KLRG1: variants seen among roughly 807,000 people sequenced by gnomAD.
KLRG1 encodes killer cell lectin like receptor G1.
In KLRG1, 16 loss-of-function variants were observed where a neutral mutation model predicts 21.8. The observed-to-expected ratio is 0.73, with a 90% CI of 0.50 to 1.11. The LOEUF (loss-of-function observed/expected upper bound fraction) is 1.11, where lower values mean the gene tolerates loss of function less well. Among genes scored for constraint, KLRG1 ranks in the 50% most tolerant of loss-of-function variants. The pLI, the probability that KLRG1 is intolerant of heterozygous loss-of-function variation, is 0.00. For synonymous variants in KLRG1, 69 were observed against 75.9 expected, an observed-to-expected ratio of 0.91 and a Z score of 0.47; for missense variants, 173 against 218.3, an observed-to-expected ratio of 0.79 and a Z score of 1.31.
At chr12:9,097,821 C>A in the KLRG1 span, among the ~76,000 whole-genome samples, 2 of 152,116 alleles carry the variant, frequency 1.3e-5, no homozygotes, top group Non-Finnish European at 2.9e-5. Context: ...TTAGTAGATA[C>A]GGGGTTTCAT....
the KLRG1 span, among the ~76,000 whole-genome samples, chr12:9,209,236 T>C: frequency 6.6e-6 from 1 of 152,164 alleles, no homozygotes; most frequent in African/African-American, 2.4e-5. Flanking sequence ...TTACATACTG[T>C]ATTGCTTGAA....
chr12:9,170,707 GC>G, the KLRG1 span, among the ~76,000 whole-genome samples: 2 of 152,202 alleles, frequency 1.3e-5, no homozygotes, highest in African/African-American at 4.8e-5. The surrounding 1 kb of genome is among the most constrained non-coding windows in gnomAD (Gnocchi z 4.6). Flanking sequence ...CCCCCACGAT[GC>G]AGCACAGCTG....
chr12:9,121,943 T>C, the KLRG1 span, among the ~76,000 whole-genome samples: 1 of 152,226 alleles, frequency 6.6e-6, no homozygotes, highest in Non-Finnish European at 1.5e-5. The surrounding 1 kb of genome is among the most constrained non-coding windows in gnomAD (Gnocchi z 4.4). Flanking sequence ...ACCAATCTGA[T>C]GGGGAGGGGA....
intron 2 of KLRG1, among the ~76,000 whole-genome samples, chr12:8,994,863 T>C (rs1249941958): frequency 6.6e-6 from 1 of 152,244 alleles, no homozygotes; most frequent in African/African-American, 2.4e-5. Flanking sequence ...GTATGCTTTC[T>C]TCTTTGTTCC....
Position 8,989,598 on chromosome 12 carries a change from T to G in KLRG1, c.-38T>G, listed in dbSNP as rs1946906204. 1.5e-6 allele frequency: 2 copies of G among 1,335,854 alleles called. No individual in the cohort carries two copies. The highest frequency in any genetic ancestry group is 1.8e-5 in the Admixed American group (1 of 56,760). 82.8% of individuals were successfully genotyped at this position (1,335,854 alleles called of 1,614,324 possible). On this transcript the variant is annotated 5_prime_UTR_variant, in exon 1 of 5. Coordinates refer to ENST00000356986, the MANE Select transcript of KLRG1 (RefSeq NM_005810.4). The stretch of plus-strand genomic sequence containing the variant: ...CATATCCCTTCACACTTCTATAATT[T>G]AACTCTCTCAACTGCATGTGAAAGA...
At chr12:9,203,265 T>TAA in the KLRG1 span, among the ~76,000 whole-genome samples, 2 of 151,470 alleles carry the variant, frequency 1.3e-5, no homozygotes, top group Non-Finnish European at 2.9e-5. Flanking sequence ...CTTACTCTGG[T>TAA]AAAAAATGCT....
At chr12:9,193,081 G>C in the KLRG1 span, among the ~76,000 whole-genome samples, 1 of 152,146 alleles carries the variant, frequency 6.6e-6, no homozygotes, top group African/African-American at 2.4e-5. Flanking sequence ...TCATGAATTG[G>C]CTTAATTAAA....
the KLRG1 span, among the ~76,000 whole-genome samples, chr12:9,051,462 A>G: frequency 9.9e-5 from 15 of 152,064 alleles, no homozygotes; most frequent in African/African-American, 3.4e-4. Context: ...GAGGCGAGCA[A>G]CCCTTTCCAG....
At chr12:9,176,591 T>C in the KLRG1 span, among the ~76,000 whole-genome samples, 7 of 152,362 alleles carry the variant, frequency 4.6e-5, no homozygotes, top group East Asian at 1.3e-3. Context: ...GTACTTTTTA[T>C]GGAAAATGGA....
the KLRG1 span, chr12:9,111,381 G>A: frequency 8.3e-6 from 3 of 363,482 alleles, no homozygotes; most frequent in South Asian, 2.2e-5. Flanking sequence ...AGTGATGGGT[G>A]TGGTGCCTCA....
At chr12:9,028,086 T>A in the KLRG1 span, 4 of 1,157,622 alleles carry the variant, frequency 3.5e-6, no homozygotes, top group South Asian at 4.9e-5. Flanking sequence ...AGTCATGATT[T>A]CAATCACTTC....
At chr12:9,099,287 C>T in the KLRG1 span, 1 of 1,231,074 alleles carries the variant, frequency 8.1e-7, no homozygotes, top group Non-Finnish European at 1.2e-6. Flanking sequence ...TTGTTTAACC[C>T]TTTTGGCCCT....
At chr12:9,211,724 A>G in the KLRG1 span, among the ~76,000 whole-genome samples, 334 of 152,300 alleles carry the variant, frequency 2.2e-3, 2 homozygotes, top group African/African-American at 7.7e-3. Flanking sequence ...ACCTTTTCCC[A>G]TCTTTATAGA....
chr12:9,088,721 C>A, the KLRG1 span, among the ~76,000 whole-genome samples: 1 of 151,944 alleles, frequency 6.6e-6, no homozygotes, highest in South Asian at 2.1e-4. Context: ...GCATTAGGTA[C>A]GGGATAGGCA....
chr12:9,030,524 AG>A, the KLRG1 span, among the ~76,000 whole-genome samples: 4 of 152,040 alleles, frequency 2.6e-5, no homozygotes, highest in East Asian at 7.7e-4. Context: ...CTCCTGCCTC[AG>A]CCTCCCAAGT....
the KLRG1 span, chr12:9,080,271 T>A: frequency 1.4e-6 from 1 of 711,466 alleles, no homozygotes; most frequent in East Asian, 3.0e-5. Flanking sequence ...CTATGCCTTA[T>A]ACCTAAACTC....
In KLRG1 at chr12:8,958,717, C is replaced by T. The variant is rs747881899; in HGVS notation, c.-156+8481C>T. On this transcript the variant is annotated intron_variant, in intron 1 of 4. Coordinates refer to the KLRG1 transcript ENST00000539240. ...CAAAAAAACCTAAGAATTAGCTGAGCGTGGTGGCTTGTGCCTATGGTCCCA... is the reference window on the plus strand; with the variant it reads ...CAAAAAAACCTAAGAATTAGCTGAGTGTGGTGGCTTGTGCCTATGGTCCCA... 2.4e-4 allele frequency among the ~76,000 whole-genome samples: 36 copies of T among 152,168 alleles called. 1 individual carries two copies. The East Asian group carries it at 2.5e-3, about 11-fold the overall frequency.
the KLRG1 span, among the ~76,000 whole-genome samples, chr12:9,198,473 A>G: frequency 0.26 from 40,015 of 152,126 alleles, 5,376 homozygotes; most frequent in East Asian, 0.4. Context: ...AATAAAAATA[A>G]GTACATAATA....
chr12:9,164,164 G>A, the KLRG1 span: 1 of 1,611,118 alleles, frequency 6.2e-7, no homozygotes, highest in Non-Finnish European at 8.5e-7. Flanking sequence ...TCCAAGACAA[G>A]GTTTGTCTCT....
Sources: allele counts gnomAD v4.1 joint callset (sites outside exome capture counted in the v4.1 genomes callset), GRCh38; gene constraint gnomAD v4.1.1; non-coding constraint Gnocchi (gnomAD v3.1); transcripts MANE v1.5; gene names NCBI Gene and HGNC (gene_info 2026-07-23, HGNC 2026-07-21).